Variants in GRID2 observed in about 807,000 individuals in gnomAD.
The protein encoded by GRID2 is glutamate ionotropic receptor delta type subunit 2, also known as glutamate receptor ionotropic, delta-2.
GRID2 carries 33 observed loss-of-function variants against 114.8 expected under a neutral mutation model. The observed-to-expected ratio is 0.29, with a 90% CI of 0.22 to 0.38. GRID2 has a LOEUF of 0.38. Ranked by LOEUF, GRID2 falls within the 10% of genes least tolerant of loss-of-function variation. The pLI is 1.00. For missense variants in GRID2, 1,184 were observed against 1,257.7 expected (o/e 0.94, Z 0.89); for synonymous variants, 505 against 449.9 (o/e 1.12, Z -1.55).
intron 14 of GRID2, among the ~76,000 whole-genome samples, chr4:93,756,897 G>T (rs1417057799): frequency 6.6e-6 from 1 of 152,184 alleles, no homozygotes; most frequent in Non-Finnish European, 1.5e-5. Context: ...TCAAGGAGTT[G>T]ATAGCCTGAT....
At chr4:92,322,213 T>A (rs1316355580) in intron 1 of GRID2, among the ~76,000 whole-genome samples, 2 of 152,220 alleles carry the variant, frequency 1.3e-5, no homozygotes, top group East Asian at 3.9e-4. Context: ...GATTTAAGGT[T>A]AACTGTTCTT....
intron 3 of GRID2, among the ~76,000 whole-genome samples, chr4:93,086,671 A>G (rs921944297): frequency 9.2e-5 from 14 of 152,196 alleles, no homozygotes; most frequent in East Asian, 7.7e-4. Flanking sequence ...TTAAGGGGTC[A>G]CAGAACAAAG....
chr4:93,306,250 G>A (rs1331286894), intron 8 of GRID2: 3 of 152,182 alleles, frequency 2.0e-5, no homozygotes, highest in Non-Finnish European at 4.4e-5. Flanking sequence ...TAAGAGAAGA[G>A]CTTTTATGTT....
At chr4:93,745,636 A>T (rs1445438653) in intron 14 of GRID2, among the ~76,000 whole-genome samples, 2 of 152,124 alleles carry the variant, frequency 1.3e-5, no homozygotes, top group Non-Finnish European at 1.5e-5. Flanking sequence ...CTTGATTTTG[A>T]AACATGCAAA....
intron 2 of GRID2, among the ~76,000 whole-genome samples, chr4:92,933,056 A>G (rs573033415): frequency 2.0e-5 from 3 of 151,156 alleles, no homozygotes; most frequent in Admixed American, 1.3e-4. Flanking sequence ...TACTATACTT[A>G]AAAACCTCTC....
chr4:93,079,256 T>C (rs1349086269), intron 2 of GRID2, among the ~76,000 whole-genome samples: 1 of 151,990 alleles, frequency 6.6e-6, no homozygotes, highest in African/African-American at 2.4e-5. Flanking sequence ...CAGTACCATT[T>C]TGCAGCCTTG....
chr4:93,082,696 TC>T (rs890154968), intron 2 of GRID2, among the ~76,000 whole-genome samples: 9 of 152,186 alleles, frequency 5.9e-5, no homozygotes, highest in African/African-American at 2.2e-4. Context: ...TTTTGATTAT[TC>T]CGATTTTGAT....
chr4:93,528,339 T>C (rs756730309), intron 13 of GRID2, among the ~76,000 whole-genome samples: 1 of 152,010 alleles, frequency 6.6e-6, no homozygotes, highest in Non-Finnish European at 1.5e-5. Flanking sequence ...GTTTTAATTA[T>C]TTAAGGAACT....
chr4:92,773,908 T>A (rs1738657097), intron 2 of GRID2, among the ~76,000 whole-genome samples: 3 of 152,206 alleles, frequency 2.0e-5, no homozygotes, highest in East Asian at 3.9e-4. Flanking sequence ...GCATTAAAAA[T>A]ATATATATTT....
chr4:93,594,588 C>T (rs948681230), intron 13 of GRID2, among the ~76,000 whole-genome samples: 3 of 152,168 alleles, frequency 2.0e-5, no homozygotes, highest in Non-Finnish European at 4.4e-5. Flanking sequence ...CCACCCAGTT[C>T]GAGCTTCCAG....
intron 10 of GRID2, among the ~76,000 whole-genome samples, chr4:93,445,600 C>T (rs1381986651): frequency 1.3e-5 from 2 of 151,944 alleles, no homozygotes; most frequent in Non-Finnish European, 1.5e-5. Context: ...AATACACTAA[C>T]ATAATTTAAA....
intron 2 of GRID2, among the ~76,000 whole-genome samples, chr4:92,774,552 T>A (rs1487537558): frequency 6.6e-6 from 1 of 151,380 alleles, no homozygotes; most frequent in Non-Finnish European, 1.5e-5. Context: ...CAAGATATTC[T>A]AATTTCTTCC....
intron 13 of GRID2, 74 bp downstream of exon 13, chr4:93,515,485 G>GTT: frequency 1.0e-6 from 1 of 982,358 alleles, no homozygotes; most frequent in Non-Finnish European, 1.5e-6. Flanking sequence ...GTTGAGATTT[G>GTT]TTTTTTTTGT....
intron 1 of GRID2, among the ~76,000 whole-genome samples, chr4:92,309,693 A>C (rs938830039): frequency 2.6e-5 from 4 of 151,982 alleles, no homozygotes; most frequent in African/African-American, 9.7e-5. Flanking sequence ...TAATGCTAGG[A>C]CATATCAACA....
At chr4:93,548,590 A>G (rs1241884112) in intron 13 of GRID2, among the ~76,000 whole-genome samples, 1 of 152,230 alleles carries the variant, frequency 6.6e-6, no homozygotes, top group East Asian at 1.9e-4. Context: ...TGAAGGTAAG[A>G]CAGTCATAGT....
chr4:93,800,530 G>A (rs181079366), intron 1 of GRID2, among the ~76,000 whole-genome samples: 220 of 152,258 alleles, frequency 1.4e-3, no homozygotes, highest in Middle Eastern at 3.4e-3. Flanking sequence ...TTGTATTAAA[G>A]ATTTGGTTCT....
At chr4:93,159,270 T>C (rs1287126853) in intron 4 of GRID2, among the ~76,000 whole-genome samples, 1 of 151,832 alleles carries the variant, frequency 6.6e-6, no homozygotes, top group African/African-American at 2.4e-5. Context: ...GGCAGGCTAA[T>C]CTGAGCCCAT....
chr4:93,072,249 A>G (rs1356710577), intron 2 of GRID2, among the ~76,000 whole-genome samples: 1 of 152,126 alleles, frequency 6.6e-6, no homozygotes, highest in Non-Finnish European at 1.5e-5. Flanking sequence ...CCAAAGAGGG[A>G]CAAGTACTTT....
chr4:93,697,462 C>T (rs941021357), intron 14 of GRID2, among the ~76,000 whole-genome samples: 1 of 152,010 alleles, frequency 6.6e-6, no homozygotes, highest in African/African-American at 2.4e-5. Context: ...ACTTGAGACT[C>T]CAGGAATTTG....
Sources: allele counts gnomAD v4.1 joint callset (sites outside exome capture counted in the v4.1 genomes callset), GRCh38; gene constraint gnomAD v4.1.1; transcripts MANE v1.5; gene names NCBI Gene and HGNC (gene_info 2026-07-23, HGNC 2026-07-21).